Variants in MAPT observed in about 807,000 individuals in gnomAD.
MAPT encodes the protein microtubule-associated protein tau.
MAPT carries 34 observed loss-of-function variants against 67.9 expected under a neutral mutation model. The observed-to-expected ratio is 0.50, with a 90% CI of 0.38 to 0.67. MAPT has a LOEUF of 0.67. Ranked by LOEUF, MAPT falls within the 30% of genes least tolerant of loss-of-function variation. MAPT has a pLI of 0.00. For missense variants in MAPT, 881 were observed against 1,115.2 expected (o/e 0.79, Z 2.99); for synonymous variants, 456 against 464.5 (o/e 0.98, Z 0.23).
At chr17:45,904,842 G>C (rs1188991076) in intron 1 of MAPT, among the ~76,000 whole-genome samples, 1 of 152,046 alleles carries the variant, frequency 6.6e-6, no homozygotes, top group Non-Finnish European at 1.5e-5. Context: ...ATTTAAATCA[G>C]CAATATGTTA....
At chr17:46,013,169 C>T (rs942534223) in intron 10 of MAPT, among the ~76,000 whole-genome samples, 7 of 152,302 alleles carry the variant, frequency 4.6e-5, no homozygotes, top group East Asian at 1.9e-4. Context: ...AGCTCCAGGG[C>T]GGTGCTTCCT....
At chr17:45,978,608 C>T (rs891785201) in intron 4 of MAPT, 168 bp downstream of exon 4, 7 of 602,502 alleles carry the variant, frequency 1.2e-5, no homozygotes, top group Non-Finnish European at 2.0e-5. Context: ...AGAAAGAGCC[C>T]TAGTGGTTTT....
intron 1 of MAPT, among the ~76,000 whole-genome samples, chr17:45,960,986 T>C (rs1382370641): frequency 6.6e-6 from 1 of 151,234 alleles, no homozygotes; most frequent in East Asian, 1.9e-4. Context: ...AGAAACTTGG[T>C]CATTGAAAGG....
At position 45,904,606 on chromosome 17, in the gene MAPT, C is replaced by G. The variant is rs1459216364; in HGVS notation, c.-18+9920C>G. The stretch of plus-strand genomic sequence containing the variant: ...ACTTGGGAGGCCGAAGCAGGAGGAT[C>G]GCTTGAGCCCAGGAGTTCAAGGCTA... On this transcript the variant is annotated intron_variant, in intron 1 of 12. Transcript: ENST00000262410. Among the ~76,000 whole-genome samples the G allele has an allele frequency of 2.7e-5, 4 of 150,550 alleles. 1 individual carries two copies. The highest frequency in any genetic ancestry group is 9.8e-5 in the African/African-American group (4 of 40,834).
Position 45,894,571 on chromosome 17 carries a change from C to A in MAPT, c.-133C>A, listed in dbSNP as rs62056779. On this transcript the variant is annotated 5_prime_UTR_variant, in exon 1 of 13. Coordinates refer to ENST00000262410, the MANE Select transcript of MAPT (RefSeq NM_001377265.1). ...GCGCCCTCGCAGTCACCGCCACCCA[C>A]CAGCTCCGGCACCAACAGCAGCGCC... 0.14 allele frequency: 22,021 copies of A among 153,856 alleles called. 2,154 individuals carry two copies. Among genetic ancestry groups the A allele is most frequent in the Middle Eastern group, 0.22 (65 of 300 alleles). The allele number at this position is 153,856 out of a possible 1,614,324, so 9.5% of individuals were successfully genotyped here.
chr17:45,969,493 A>G (rs2071419648), intron 2 of MAPT, among the ~76,000 whole-genome samples: 1 of 150,324 alleles, frequency 6.7e-6, no homozygotes, highest in Non-Finnish European at 1.5e-5. Flanking sequence ...CATCCATCCA[A>G]TTATACATAC....
chr17:45,915,487 ATG>A lies in MAPT; in HGVS notation c.-18+20808_-18+20809del, dbSNP rs938661612. Among the ~76,000 whole-genome samples the A allele has an allele frequency of 2.2e-4, 31 of 138,234 alleles. No homozygotes were observed. Among genetic ancestry groups the A allele is most frequent in the South Asian group, 7.1e-4 (3 of 4,206 alleles). The allele number at this position is 138,234 out of a possible 152,430, so 90.7% of individuals were successfully genotyped here. On this transcript the variant is annotated intron_variant, in intron 1 of 12. Transcript: ENST00000262410. The surrounding 1 kb of genome is among the most constrained non-coding windows in gnomAD (Gnocchi z 4.4). ...TTGAGCATGTGTGGTGTGTTGTGAT[ATG>A]TGTGTGGTGTGTGAGCATGTGTGTG...
chr17:45,962,994 A>G (rs2070624590), intron 2 of MAPT, among the ~76,000 whole-genome samples: 1 of 152,246 alleles, frequency 6.6e-6, no homozygotes, highest in African/African-American at 2.4e-5. Context: ...ATGTAGGGAC[A>G]GAGATTTTAG....
At chr17:45,902,113 C>T (rs752903699) in intron 1 of MAPT, among the ~76,000 whole-genome samples, 8 of 152,016 alleles carry the variant, frequency 5.3e-5, no homozygotes, top group African/African-American at 1.9e-4. Context: ...CTCGCTCTAT[C>T]GCCCAGGCTT....
intron 1 of MAPT, chr17:45,908,202 T>C (rs548574413): frequency 1.3e-5 from 2 of 152,372 alleles, no homozygotes; most frequent in South Asian, 4.1e-4. Flanking sequence ...AGGTCCACAC[T>C]TATCAAATAG....
rs888976512 is a variant in MAPT, at chr17:46,024,170, G to A, written c.2501G>A (p.Ter834=). Residue 834 remains the stop codon, a stop_retained_variant, in exon 13 of 13, where the codon TGA becomes TAA. Transcript: ENST00000262410. ...VSASLAKQGL[*] ...GCCTCCCTGGCCAAGCAGGGTTTGT[G>A]ATCAGGCCCCTGGGGCGGTCAATAA... 1.2e-6 allele frequency: 2 copies of A among 1,613,824 alleles called. No individual in the cohort carries two copies. The highest frequency in any genetic ancestry group is 1.3e-5 in the African/African-American group (1 of 75,040).
chr17:45,945,871 G>A (rs978331873), intron 1 of MAPT, among the ~76,000 whole-genome samples: 8 of 152,168 alleles, frequency 5.3e-5, no homozygotes, highest in Non-Finnish European at 1.0e-4. Flanking sequence ...AGGGAATAAA[G>A]TAGGCTGCAG....
At chr17:45,910,483 A>G (rs2064692482) in intron 1 of MAPT, among the ~76,000 whole-genome samples, 1 of 151,874 alleles carries the variant, frequency 6.6e-6, no homozygotes, top group Non-Finnish European at 1.5e-5. Flanking sequence ...TAGCTTTCCC[A>G]TTCACTGCTT....
At chr17:45,951,710 A>G (rs1234745035) in intron 1 of MAPT, among the ~76,000 whole-genome samples, 2 of 151,954 alleles carry the variant, frequency 1.3e-5, no homozygotes, top group Non-Finnish European at 2.9e-5. Flanking sequence ...CCGGGCCTCA[A>G]TTTAGCTAAA....
Position 46,020,230 on chromosome 17 carries a change from T to G in MAPT, c.2286+1500T>G, listed in dbSNP as rs180710288. ...CCTCTGCCTGCCTGTCTTGGAAGTA[T>G]CCACATGAGGCTGCTGGGGCCTTGG... On this transcript the variant is annotated intron_variant, in intron 12 of 12. Coordinates refer to ENST00000262410, the MANE Select transcript of MAPT (RefSeq NM_001377265.1). Among the ~76,000 whole-genome samples the G allele has an allele frequency of 1.5e-4, 23 of 152,262 alleles. No individual in the cohort carries two copies. The East Asian group carries it at 4.3e-3, about 28-fold the overall frequency.
Position 45,961,785 on chromosome 17 carries a change from T to G in MAPT, c.-17-536T>G, listed in dbSNP as rs537122038. Reference sequence around the variant, plus strand: ...GGGTTTATTTGTTTTGTTTTTTTTTTTTTGTTTTGAGACAGAGTTTCACCC... The same window carrying G: ...GGGTTTATTTGTTTTGTTTTTTTTTGTTTGTTTTGAGACAGAGTTTCACCC... On this transcript the variant is annotated intron_variant, in intron 1 of 12. Coordinates refer to ENST00000262410, the MANE Select transcript of MAPT (RefSeq NM_001377265.1). Among the ~76,000 whole-genome samples the G allele has an allele frequency of 1.3e-4, 19 of 151,544 alleles. No individual in the cohort carries two copies. In the South Asian group the frequency reaches 2.3e-3, roughly 18 times the overall value.
chr17:45,955,105 G>A (rs892413191), intron 1 of MAPT, among the ~76,000 whole-genome samples: 7 of 152,298 alleles, frequency 4.6e-5, no homozygotes, highest in Admixed American at 3.3e-4. Context: ...ACGCAGTCAC[G>A]GGGAAGAGAG....
Position 45,939,631 on chromosome 17 carries a change from C to T in MAPT, c.-17-22690C>T, listed in dbSNP as rs549511948. On this transcript the variant is annotated intron_variant, in intron 1 of 12. Coordinates refer to ENST00000262410, the MANE Select transcript of MAPT (RefSeq NM_001377265.1). Reference sequence around the variant, plus strand: ...CTCCTGAATTGTAAATGGGCTTTTACGAGGAGGTTTCTAATTACTCGCTCT... The same window carrying T: ...CTCCTGAATTGTAAATGGGCTTTTATGAGGAGGTTTCTAATTACTCGCTCT... Among the ~76,000 whole-genome samples, 26 of 152,242 alleles carry T rather than the reference C, an allele frequency of 1.7e-4. 1 individual carries two copies. The South Asian group carries it at 4.8e-3, about 28-fold the overall frequency.
intron 12 of MAPT, among the ~76,000 whole-genome samples, chr17:46,020,389 A>G (rs1265902421): frequency 6.6e-6 from 1 of 152,152 alleles, no homozygotes; most frequent in African/African-American, 2.4e-5. Context: ...CTTCTGCAGA[A>G]GCGCAGCCAA....
Sources: allele counts gnomAD v4.1 joint callset (sites outside exome capture counted in the v4.1 genomes callset), GRCh38; gene constraint gnomAD v4.1.1; non-coding constraint Gnocchi (gnomAD v3.1); transcripts MANE v1.5; gene names NCBI Gene and HGNC (gene_info 2026-07-23, HGNC 2026-07-21).